FGD4: variants seen among roughly 807,000 people sequenced by gnomAD.
The protein encoded by FGD4 is FYVE, RhoGEF and PH domain-containing protein 4.
In FGD4, 42 loss-of-function variants were observed where a neutral mutation model predicts 102.0. The observed-to-expected ratio is 0.41, with a 90% CI of 0.32 to 0.53. The LOEUF (loss-of-function observed/expected upper bound fraction) is 0.53. Ranked by LOEUF, FGD4 falls within the 20% of genes least tolerant of loss-of-function variation. FGD4 has a pLI of 0.21. For synonymous variants in FGD4, 380 were observed against 375.7 expected (o/e 1.01, Z -0.13); for missense variants, 902 against 1,078.2 (o/e 0.84, Z 2.29).
intron 4 of FGD4, among the ~76,000 whole-genome samples, chr12:32,596,997 T>C (rs1375593196): frequency 6.6e-6 from 1 of 151,762 alleles, no homozygotes; most frequent in East Asian, 1.9e-4. Flanking sequence ...TATATTTTTC[T>C]CAGAGCAGAA....
chr12:32,496,302 C>T (rs1242665464), intron 1 of FGD4, among the ~76,000 whole-genome samples: 1 of 152,136 alleles, frequency 6.6e-6, no homozygotes, highest in African/African-American at 2.4e-5. Context: ...TTTATTCTGG[C>T]CTGATCTCAG....
At chr12:32,511,870 A>C (rs1171422482) in intron 1 of FGD4, 6 of 152,272 alleles carry the variant, frequency 3.9e-5, no homozygotes, top group Middle Eastern at 3.4e-3. Context: ...AATGTGCTCA[A>C]TCTCATCTAA....
chr12:32,502,077 A>G (rs182919192), intron 1 of FGD4: 17 of 985,496 alleles, frequency 1.7e-5, no homozygotes, highest in Admixed American at 1.2e-4. Flanking sequence ...CCCAATAAGC[A>G]GTAGTCACAC....
At position 32,551,140 on chromosome 12, in the gene FGD4, G is replaced by A. The variant is rs190991452; in HGVS notation, c.167-12997G>A. 1.9e-4 allele frequency among the ~76,000 whole-genome samples: 29 copies of A among 152,276 alleles called. No individual in the cohort carries two copies. The East Asian group carries it at 3.1e-3, about 16-fold the overall frequency. On this transcript the variant is annotated intron_variant, in intron 1 of 16. Coordinates refer to ENST00000534526, the MANE Select transcript of FGD4 (RefSeq NM_001370298.3). Reference sequence around the variant, plus strand: ...GCATTGGGCAGTGAAGCTAACAGGCGGTGCTAAAGCCAGCATGAGCAAGTG... The same window carrying A: ...GCATTGGGCAGTGAAGCTAACAGGCAGTGCTAAAGCCAGCATGAGCAAGTG...
At position 32,628,373 on chromosome 12, in the gene FGD4, G is replaced by GA. The variant is rs934286460; in HGVS notation, c.2172+2604dup. On this transcript the variant is annotated intron_variant, in intron 14 of 16. Coordinates refer to ENST00000534526, the MANE Select transcript of FGD4 (RefSeq NM_001370298.3). ...TCAGAGGTGACAGAAGGTGAAGTGG[G>GA]AAAAAAAAAAGCCTCCACTAGAGAA... is the stretch of plus-strand genomic sequence containing the variant. Among the ~76,000 whole-genome samples, 226 of 146,736 alleles carry GA rather than the reference G, an allele frequency of 1.5e-3. 2 individuals are homozygous for GA. Among genetic ancestry groups the GA allele is most frequent in the Middle Eastern group, 3.5e-3 (1 of 288 alleles).
At chr12:32,421,355 T>C (rs753848271) in intron 1 of FGD4, among the ~76,000 whole-genome samples, 4 of 152,238 alleles carry the variant, frequency 2.6e-5, no homozygotes, top group Non-Finnish European at 4.4e-5. Context: ...CTTTTTGTTC[T>C]CTTTGAGTAT....
chr12:32,451,064 A>G (rs558286989), intron 1 of FGD4, among the ~76,000 whole-genome samples: 1 of 152,340 alleles, frequency 6.6e-6, no homozygotes, highest in African/African-American at 2.4e-5. Flanking sequence ...TACAAGGACT[A>G]GACTTCGCTT....
chr12:32,626,833 A>ATTTGG (rs770332184), intron 14 of FGD4, among the ~76,000 whole-genome samples: 2 of 151,734 alleles, frequency 1.3e-5, no homozygotes, highest in African/African-American at 2.4e-5. Flanking sequence ...ATATCTATTT[A>ATTTGG]TTTGGTTTTT....
At chr12:32,527,677 C>G (rs1253949311) in intron 1 of FGD4, among the ~76,000 whole-genome samples, 1 of 152,140 alleles carries the variant, frequency 6.6e-6, no homozygotes, top group Admixed American at 6.6e-5. Flanking sequence ...ATCCACCCGC[C>G]TCGTCCTCCC....
intron 4 of FGD4, among the ~76,000 whole-genome samples, chr12:32,590,788 ATAG>A (rs1158463149): frequency 3.9e-5 from 6 of 152,246 alleles, no homozygotes; most frequent in Non-Finnish European, 8.8e-5. Flanking sequence ...TATTCATTAA[ATAG>A]TGGTGGTTGT....
At chr12:32,550,289 G>A (rs1172865537) in intron 1 of FGD4, among the ~76,000 whole-genome samples, 1 of 152,128 alleles carries the variant, frequency 6.6e-6, no homozygotes, top group East Asian at 1.9e-4. Flanking sequence ...TTTTGCAGTT[G>A]ATCATTGGCT....
intron 4 of FGD4, among the ~76,000 whole-genome samples, chr12:32,594,005 G>A (rs1246437627): frequency 6.6e-6 from 1 of 152,206 alleles, no homozygotes; most frequent in Non-Finnish European, 1.5e-5. Context: ...TCTGGTGGTA[G>A]GAGCATAGAG....
At chr12:32,499,190 G>A (rs924340224) in intron 1 of FGD4, among the ~76,000 whole-genome samples, 4 of 152,204 alleles carry the variant, frequency 2.6e-5, no homozygotes, top group African/African-American at 9.6e-5. Context: ...CAAAGTTGCC[G>A]CCTGCGCAGT....
At chr12:32,484,876 A>G (rs1035373673) in intron 1 of FGD4, among the ~76,000 whole-genome samples, 1 of 152,176 alleles carries the variant, frequency 6.6e-6, no homozygotes, top group Non-Finnish European at 1.5e-5. Flanking sequence ...TGTCTCAGAA[A>G]AAAAACAAAA....
intron 1 of FGD4, among the ~76,000 whole-genome samples, chr12:32,466,473 C>G (rs184160020): frequency 1.1e-4 from 16 of 152,250 alleles, no homozygotes; most frequent in Admixed American, 9.8e-4. Flanking sequence ...AGGCCTTTAA[C>G]TGATTGGATG....
chr12:32,594,750 G>A (rs1947745084), intron 4 of FGD4, among the ~76,000 whole-genome samples: 2 of 152,262 alleles, frequency 1.3e-5, no homozygotes, highest in African/African-American at 2.4e-5. Flanking sequence ...AAGCAAAATA[G>A]GCCTGGCATA....
chr12:32,442,899 T>C (rs1942492616), intron 1 of FGD4, among the ~76,000 whole-genome samples: 1 of 152,194 alleles, frequency 6.6e-6, no homozygotes, highest in Non-Finnish European at 1.5e-5. Flanking sequence ...TGTGAGATGA[T>C]AGCTCATTGT....
chr12:32,599,360 A>G (rs942773523), intron 5 of FGD4, among the ~76,000 whole-genome samples: 9 of 143,806 alleles, frequency 6.3e-5, no homozygotes, highest in African/African-American at 7.9e-5. Context: ...CGGGCGTGGT[A>G]GCGGGCGCCT....
intron 1 of FGD4, among the ~76,000 whole-genome samples, chr12:32,538,868 C>A (rs1010071790): frequency 6.6e-6 from 1 of 152,060 alleles, no homozygotes; most frequent in Non-Finnish European, 1.5e-5. Context: ...TCCTGGCTAA[C>A]ACCGTGAAAC....
Sources: allele counts gnomAD v4.1 joint callset (sites outside exome capture counted in the v4.1 genomes callset), GRCh38; gene constraint gnomAD v4.1.1; transcripts MANE v1.5; gene names NCBI Gene and HGNC (gene_info 2026-07-23, HGNC 2026-07-21).